SGMS1: variants seen among roughly 807,000 people sequenced by gnomAD.
SGMS1 encodes the protein sphingomyelin synthase 1.
Under a neutral mutation model 46.2 loss-of-function variants are expected in SGMS1, and 13 were observed. The observed-to-expected ratio is 0.28, with a 90% CI of 0.18 to 0.45. The LOEUF is 0.45. Among genes scored for constraint, SGMS1 ranks in the 20% least tolerant of loss-of-function variants. The pLI, the probability that SGMS1 is intolerant of heterozygous loss-of-function variation, is 1.00. For missense variants in SGMS1, 324 were observed against 519.9 expected (o/e 0.62, Z 3.66); for synonymous variants, 203 against 187.8 (o/e 1.08, Z -0.66).
intron 3 of SGMS1, among the ~76,000 whole-genome samples, chr10:50,479,820 T>C (rs1230864950): frequency 6.6e-6 from 1 of 152,144 alleles, no homozygotes; most frequent in African/African-American, 2.4e-5. Context: ...CTTTAATGGA[T>C]GTATGGATAT....
chr10:50,417,555 A>G (rs7392702), intron 6 of SGMS1, among the ~76,000 whole-genome samples: 28,836 of 152,154 alleles, frequency 0.19, 2,951 homozygotes, highest in Admixed American at 0.24. Context: ...CACTCAGTCC[A>G]AAACACAGGG....
At chr10:50,573,877 A>G (rs971678910) in intron 2 of SGMS1, among the ~76,000 whole-genome samples, 4 of 152,196 alleles carry the variant, frequency 2.6e-5, no homozygotes, top group Admixed American at 2.0e-4. Flanking sequence ...CCATGTACAT[A>G]TAGCCAATTG....
intron 2 of SGMS1, among the ~76,000 whole-genome samples, chr10:50,537,330 C>CTG (rs1021736848): frequency 6.6e-4 from 100 of 151,996 alleles, no homozygotes; most frequent in African/African-American, 2.2e-3. Flanking sequence ...GACTACTCAC[C>CTG]TGGGATGGTG....
chr10:50,571,024 C>G (rs1480610565), intron 2 of SGMS1, among the ~76,000 whole-genome samples: 1 of 152,042 alleles, frequency 6.6e-6, no homozygotes, highest in Non-Finnish European at 1.5e-5. Context: ...ACCCATGATC[C>G]TTCTGGATAA....
intron 3 of SGMS1, among the ~76,000 whole-genome samples, chr10:50,471,900 T>G (rs1394330792): frequency 1.3e-5 from 2 of 152,186 alleles, no homozygotes; most frequent in African/African-American, 2.4e-5. Context: ...AATCCTAGCT[T>G]CTTCGCGGGC....
intron 8 of SGMS1, 103 bp from the exon 9 acceptor site, chr10:50,311,518 A>G (rs1847251246): frequency 8.0e-7 from 1 of 1,243,238 alleles, no homozygotes; most frequent in African/African-American, 1.5e-5. Context: ...TATATTAAGA[A>G]ACATAAAATC....
chr10:50,488,959 C>A (rs1251817661), intron 3 of SGMS1, among the ~76,000 whole-genome samples: 4 of 152,142 alleles, frequency 2.6e-5, no homozygotes, highest in Non-Finnish European at 4.4e-5. Context: ...ATTAAAGATG[C>A]TTTTTAAAAA....
intron 6 of SGMS1, among the ~76,000 whole-genome samples, chr10:50,425,765 C>T (rs1285546089): frequency 6.6e-6 from 1 of 152,112 alleles, no homozygotes; most frequent in Non-Finnish European, 1.5e-5. Context: ...TTTTAAAAAG[C>T]CGTGAATATT....
intron 5 of SGMS1, among the ~76,000 whole-genome samples, chr10:50,447,262 A>G (rs1837030116): frequency 6.6e-6 from 1 of 152,172 alleles, no homozygotes; most frequent in Non-Finnish European, 1.5e-5. Context: ...AATTCCTACT[A>G]TAATCCAGGT....
chr10:50,605,030 CAAA>C (rs1394273928), intron 1 of SGMS1, among the ~76,000 whole-genome samples: 1 of 152,174 alleles, frequency 6.6e-6, no homozygotes, highest in African/African-American at 2.4e-5. Flanking sequence ...TATAACGGTA[CAAA>C]ACATTTCACT....
chr10:50,444,996 C>A (rs1378926788), intron 5 of SGMS1, among the ~76,000 whole-genome samples: 1 of 152,002 alleles, frequency 6.6e-6, no homozygotes, highest in African/African-American at 2.4e-5. Context: ...TATAAAGAAC[C>A]ACCATAATTT....
At chr10:50,349,786 G>A (rs1372920450) in intron 6 of SGMS1, among the ~76,000 whole-genome samples, 1 of 152,160 alleles carries the variant, frequency 6.6e-6, no homozygotes, top group African/African-American at 2.4e-5. Flanking sequence ...TTCCTGCCAT[G>A]ATTCTCAGGC....
At chr10:50,483,526 T>C (rs184780817) in intron 3 of SGMS1, among the ~76,000 whole-genome samples, 1 of 152,172 alleles carries the variant, frequency 6.6e-6, no homozygotes, top group East Asian at 1.9e-4. Context: ...TGAACTCAGC[T>C]CTGAATCAAG....
Position 50,306,944 on chromosome 10 carries a change from A to T in SGMS1, c.*198T>A. The T allele has an allele frequency of 1.8e-6, 1 of 561,798 alleles. No homozygotes were observed. 34.8% of individuals were successfully genotyped at this position (561,798 alleles called of 1,614,324 possible). A position where few individuals can be genotyped will look rare whatever the true frequency, so the allele number is the denominator to read the frequency against. On this transcript the variant is annotated 3_prime_UTR_variant, in exon 11 of 11. Transcript: ENST00000361781. Reference sequence around the variant, plus strand: ...ATGTGTACAGTGCATGATAGGTTAAATTTTTCTTTATTGTTGTCCAACGCA... The same window carrying T: ...ATGTGTACAGTGCATGATAGGTTAATTTTTTCTTTATTGTTGTCCAACGCA...
At chr10:50,365,166 T>A (rs1848312982) in intron 6 of SGMS1, among the ~76,000 whole-genome samples, 1 of 146,080 alleles carries the variant, frequency 6.8e-6, no homozygotes, top group Non-Finnish European at 1.5e-5. Flanking sequence ...ACGTTGAGAA[T>A]CTCTTGAACC....
At chr10:50,381,711 G>A (rs1848608613) in intron 6 of SGMS1, among the ~76,000 whole-genome samples, 1 of 152,204 alleles carries the variant, frequency 6.6e-6, no homozygotes, top group Non-Finnish European at 1.5e-5. Flanking sequence ...CTCAGCAAAT[G>A]AGCTAAGGAG....
At chr10:50,594,856 C>G (rs975183458) in intron 1 of SGMS1, among the ~76,000 whole-genome samples, 2 of 152,210 alleles carry the variant, frequency 1.3e-5, no homozygotes, top group Non-Finnish European at 2.9e-5. Flanking sequence ...TTCATTTCAA[C>G]TCAACCTCCT....
At chr10:50,596,698 T>C (rs918955931) in intron 1 of SGMS1, among the ~76,000 whole-genome samples, 4 of 152,208 alleles carry the variant, frequency 2.6e-5, no homozygotes, top group Admixed American at 6.5e-5. Context: ...ATGAGGTGTT[T>C]GAAGAACACA....
At chr10:50,595,563 T>G (rs1838583698) in intron 1 of SGMS1, among the ~76,000 whole-genome samples, 1 of 152,124 alleles carries the variant, frequency 6.6e-6, no homozygotes, top group African/African-American at 2.4e-5. Flanking sequence ...GCTCTGAGAG[T>G]TTAAGTAACT....
Sources: gnomAD v4.1 joint callset for allele counts (sites outside exome capture counted in the v4.1 genomes callset) on GRCh38, gnomAD v4.1.1 for gene constraint, MANE v1.5 for transcripts, NCBI Gene and HGNC (gene_info 2026-07-23, HGNC 2026-07-21) for gene names.